TTI1: variants seen among roughly 807,000 people sequenced by gnomAD.
The protein encoded by TTI1 is TELO2-interacting protein 1 homolog.
Under a neutral mutation model 85.4 loss-of-function variants are expected in TTI1, and 52 were observed. That is an observed-to-expected ratio of 0.61 (90% CI 0.49 to 0.77). The LOEUF (loss-of-function observed/expected upper bound fraction) is 0.77. Among genes scored for constraint, TTI1 ranks in the 30% least tolerant of loss-of-function variants. The pLI is 0.00. For missense variants in TTI1, 1,173 were observed against 1,296.0 expected, an observed-to-expected ratio of 0.91 and a Z score of 1.46; for synonymous variants, 512 against 503.9, an observed-to-expected ratio of 1.02 and a Z score of -0.22.
chr20:37,998,204 A>G (rs1187114414), intron 5 of TTI1, among the ~76,000 whole-genome samples: 1 of 152,184 alleles, frequency 6.6e-6, no homozygotes, highest in African/African-American at 2.4e-5. Flanking sequence ...CTGGGATTAC[A>G]GGCATGAGCC....
intron 2 of TTI1, among the ~76,000 whole-genome samples, chr20:38,007,595 C>T (rs6126786): frequency 0.093 from 14,187 of 152,172 alleles, 876 homozygotes; most frequent in East Asian, 0.32. Context: ...AAGAATAAAA[C>T]AACAACAACA....
In TTI1 at chr20:37,983,358, T is replaced by G; in HGVS notation, c.*98A>C. 7.9e-7 allele frequency: 1 copy of G among 1,268,816 alleles called. No individual in the cohort carries two copies. The highest frequency in any genetic ancestry group is 1.1e-6 in the Non-Finnish European group (1 of 927,676). The allele number at this position is 1,268,816 out of a possible 1,614,324, so 78.6% of individuals were successfully genotyped here. ...GATTGGCTAACTAATTCACCTTCTC[T>G]GCTGCCGCTGCCACCGCCTATGGCC... On this transcript the variant is annotated 3_prime_UTR_variant, in exon 8 of 8. Transcript: ENST00000373447.
At chr20:38,022,144 T>C (rs1441890829) in intron 1 of TTI1, among the ~76,000 whole-genome samples, 1 of 152,202 alleles carries the variant, frequency 6.6e-6, no homozygotes, top group Non-Finnish European at 1.5e-5. Flanking sequence ...GAGATGCCAT[T>C]GTGGCAGGTG....
intron 2 of TTI1, among the ~76,000 whole-genome samples, chr20:38,010,534 G>A (rs369171942): frequency 2.4e-3 from 342 of 144,812 alleles, no homozygotes; most frequent in Non-Finnish European, 3.3e-3. Flanking sequence ...GCAGTGGCGC[G>A]ATCTTGGCTC....
chr20:37,990,673 G>C (rs1336619843), intron 7 of TTI1, among the ~76,000 whole-genome samples: 1 of 152,196 alleles, frequency 6.6e-6, no homozygotes, highest in Non-Finnish European at 1.5e-5. Flanking sequence ...GTGTTCGAGA[G>C]GGATGACAGA....
At chr20:38,017,562 G>A (rs2073703251) in intron 1 of TTI1, among the ~76,000 whole-genome samples, 1 of 152,064 alleles carries the variant, frequency 6.6e-6, no homozygotes, top group South Asian at 2.1e-4. Flanking sequence ...TGGTCACCTG[G>A]GGCTGGACAG....
intron 4 of TTI1, 87 bp from the exon 5 acceptor site, chr20:37,999,415 G>C: frequency 7.7e-7 from 1 of 1,294,230 alleles, no homozygotes; most frequent in Non-Finnish European, 1.0e-6. Flanking sequence ...ATAACATTTA[G>C]AAACGTATTA....
At chr20:37,989,462 T>A (rs1366119767) in intron 7 of TTI1, among the ~76,000 whole-genome samples, 1 of 152,102 alleles carries the variant, frequency 6.6e-6, no homozygotes, top group Non-Finnish European at 1.5e-5. Flanking sequence ...CGCTGAGAGG[T>A]CCAATCTGTT....
At chr20:38,026,671 G>T (rs1249189843) in intron 1 of TTI1, among the ~76,000 whole-genome samples, 1 of 152,186 alleles carries the variant, frequency 6.6e-6, no homozygotes, top group Non-Finnish European at 1.5e-5. Flanking sequence ...GTAAAAGAAT[G>T]GCTAAAGAAA....
At position 38,029,618 on chromosome 20, in the gene TTI1, TG is replaced by T. The variant is rs201532474; in HGVS notation, c.-42+3785del. 6.8e-3 allele frequency among the ~76,000 whole-genome samples: 1,033 copies of T among 152,054 alleles called. 5 individuals are homozygous for T. Among genetic ancestry groups the T allele is most frequent in the African/African-American group, 0.02 (817 of 41,448 alleles). ...GAGAGAAGAGACGAGACACTGATAC[TG>T]GAAATTTCCAATATCAGTAATGAAA... is the stretch of plus-strand genomic sequence containing the variant. On this transcript the variant is annotated intron_variant, in intron 1 of 7. Transcript: ENST00000373447.
At chr20:38,020,831 A>C (rs1340387618) in intron 1 of TTI1, among the ~76,000 whole-genome samples, 1 of 152,222 alleles carries the variant, frequency 6.6e-6, no homozygotes, top group Non-Finnish European at 1.5e-5. Flanking sequence ...GCTAAATTTA[A>C]AAAAGGGAAA....
intron 7 of TTI1, among the ~76,000 whole-genome samples, chr20:37,986,135 A>C (rs1166960287): frequency 6.6e-6 from 1 of 152,236 alleles, no homozygotes; most frequent in Non-Finnish European, 1.5e-5. Context: ...GTTAGAATGC[A>C]AATGGTTTCA....
intron 1 of TTI1, among the ~76,000 whole-genome samples, chr20:38,029,440 TAAG>T (rs913426855): frequency 3.3e-5 from 5 of 151,464 alleles, no homozygotes; most frequent in East Asian, 1.9e-4. Flanking sequence ...GAAGAAATAA[TAAG>T]GAGCAGAAAC....
chr20:38,003,126 A>G lies in TTI1; in HGVS notation c.2504-350T>C, dbSNP rs146401992. ...CAGGTGCATGTCACCATGCCCAACT[A>G]ATTTTTAAATTTTTTTGTAGAAATG... On this transcript the variant is annotated intron_variant, in intron 3 of 7. Transcript: ENST00000373447. 3.7e-3 allele frequency among the ~76,000 whole-genome samples: 566 copies of G among 152,100 alleles called. 2 individuals carry two copies. The highest frequency in any genetic ancestry group is 0.013 in the African/African-American group (537 of 41,472).
intron 7 of TTI1, 35 bp downstream of exon 7, chr20:37,996,340 A>C: frequency 6.2e-7 from 1 of 1,611,110 alleles, no homozygotes; most frequent in Non-Finnish European, 8.5e-7. Flanking sequence ...ATTTAGAACA[A>C]ACGTAAAGGG....
rs1600623834 is a variant in TTI1 at position 38,002,695 on chromosome 20, A to G, written c.2585T>C (p.Ile862Thr). The change falls in exon 4 of 8, where the codon ATA (isoleucine) becomes ACA (threonine). Residue 862 changes from isoleucine to threonine, a missense_variant. Coordinates refer to ENST00000373447, the MANE Select transcript of TTI1 (RefSeq NM_001303457.2). ...GCAGCGTTCCATCACGTCCATGGCT[A>G]TTTGGATCTGCAATGGCAGTGGTGG... is the stretch of plus-strand genomic sequence containing the variant. ...VEPPLPLQIQIAMDVMERCIH... is the reference protein window; with the variant it reads ...VEPPLPLQIQTAMDVMERCIH... 4 of 1,614,192 alleles carry G rather than the reference A, an allele frequency of 2.5e-6. No homozygotes were observed. The highest frequency in any genetic ancestry group is 3.4e-6 in the Non-Finnish European group (4 of 1,180,042).
At chr20:38,006,434 T>A (rs1568618426) in intron 2 of TTI1, 37 bp from the exon 3 acceptor site, 2 of 1,609,228 alleles carry the variant, frequency 1.2e-6, no homozygotes, top group East Asian at 4.5e-5. Flanking sequence ...CCTTGGCTAT[T>A]AACAACAGGC....
intron 7 of TTI1, among the ~76,000 whole-genome samples, chr20:37,995,423 C>T (rs75682454): frequency 1.3e-5 from 2 of 152,260 alleles, no homozygotes; most frequent in Admixed American, 6.5e-5. Flanking sequence ...CTAACTCCCA[C>T]CCCACTGAAG....
At chr20:38,015,725 A>C (rs1165214466) in intron 1 of TTI1, among the ~76,000 whole-genome samples, 1 of 152,172 alleles carries the variant, frequency 6.6e-6, no homozygotes, top group Non-Finnish European at 1.5e-5. Flanking sequence ...TCCACACACA[A>C]AAAAGCTCCA....
Sources: gnomAD v4.1 joint callset for allele counts (sites outside exome capture counted in the v4.1 genomes callset) on GRCh38, gnomAD v4.1.1 for gene constraint, MANE v1.5 for transcripts, NCBI Gene and HGNC (gene_info 2026-07-23, HGNC 2026-07-21) for gene names.